PRKCB: variants seen among roughly 807,000 people sequenced by gnomAD.
PRKCB encodes protein kinase C beta type.
PRKCB carries 13 observed loss-of-function variants against 81.5 expected under a neutral mutation model. That is an observed-to-expected ratio of 0.16 (90% CI 0.10 to 0.25). The LOEUF is 0.25. Among genes scored for constraint, PRKCB ranks in the 10% least tolerant of loss-of-function variants. PRKCB has a pLI of 1.00. For synonymous variants in PRKCB, 335 were observed against 321.4 expected, an observed-to-expected ratio of 1.04 and a Z score of -0.45; for missense variants, 509 against 875.7, an observed-to-expected ratio of 0.58 and a Z score of 5.29.
chr16:24,102,754 G>A (rs1383448126), intron 7 of PRKCB, among the ~76,000 whole-genome samples: 1 of 151,984 alleles, frequency 6.6e-6, no homozygotes, highest in Non-Finnish European at 1.5e-5. Context: ...ATTAACTCTG[G>A]GATTTGTGTA....
At chr16:24,096,666 A>AAAAAAAAAAAAAAT (rs1406204037) in intron 7 of PRKCB, among the ~76,000 whole-genome samples, 21 of 32,662 alleles carry the variant, frequency 6.4e-4, no homozygotes, top group Non-Finnish European at 7.9e-4. Flanking sequence ...AAAAAAAAAA[A>AAAAAAAAAAAAAAT]ATATATATAT....
chr16:23,838,284 C>A (rs1043776394), intron 2 of PRKCB, among the ~76,000 whole-genome samples: 6 of 152,186 alleles, frequency 3.9e-5, no homozygotes, highest in African/African-American at 1.4e-4. Flanking sequence ...GAAATGGTCT[C>A]ACTTTCGCTT....
At chr16:24,109,599 C>G (rs1337094309) in intron 7 of PRKCB, among the ~76,000 whole-genome samples, 2 of 129,540 alleles carry the variant, frequency 1.5e-5, no homozygotes, top group Non-Finnish European at 3.1e-5. Context: ...GGCGGCCGGG[C>G]GGAGACGCTC....
At chr16:24,016,761 C>T (rs1567344985) in intron 3 of PRKCB, among the ~76,000 whole-genome samples, 1 of 152,198 alleles carries the variant, frequency 6.6e-6, no homozygotes, top group Non-Finnish European at 1.5e-5. Context: ...ATCTGTTTTT[C>T]TCCTGGCAGC....
intron 11 of PRKCB, among the ~76,000 whole-genome samples, chr16:24,173,103 T>C (rs1008509709): frequency 1.8e-4 from 28 of 152,096 alleles, no homozygotes; most frequent in Admixed American, 1.7e-3. Flanking sequence ...CCACTCTCCG[T>C]CTTAGATGCC....
At chr16:23,884,429 T>G (rs1193113269) in intron 2 of PRKCB, among the ~76,000 whole-genome samples, 2 of 152,272 alleles carry the variant, frequency 1.3e-5, no homozygotes, top group Non-Finnish European at 2.9e-5. Context: ...TCTGCCTCTC[T>G]TTGCAAATAT....
At chr16:23,932,475 G>T (rs1312684324) in intron 2 of PRKCB, among the ~76,000 whole-genome samples, 2 of 152,086 alleles carry the variant, frequency 1.3e-5, no homozygotes, top group African/African-American at 4.8e-5. Context: ...ACCTATGTTC[G>T]AACAATGTGA....
Position 23,836,282 on chromosome 16 carries a change from A to G in PRKCB, c.107A>G (p.Asn36Ser), listed in dbSNP as rs1335436295. The change falls in exon 1 of 17, where the codon AAC becomes AGC. Residue 36 changes from asparagine (N) to serine (S), a missense_variant. Asn to Ser is a conservative substitution (Grantham distance 46). This residue lies in a region of PRKCB where 184 missense variants were observed against 362.9 expected (regional missense o/e 0.51). Coordinates refer to ENST00000643927, the MANE Select transcript of PRKCB (RefSeq NM_002738.7). ...CAGAAGAACGTGCATGAGGTCAAGA[A>G]CCACAAATTCACCGCCCGCTTCTTC... ...LRQKNVHEVK[N>S]HKFTARFFKQ... 6.2e-7 allele frequency: 1 copy of G among 1,605,582 alleles called. No individual in the cohort carries two copies. The highest frequency in any genetic ancestry group is 8.5e-7 in the Non-Finnish European group (1 of 1,176,284).
chr16:23,934,673 T>C (rs1488636412), intron 2 of PRKCB, among the ~76,000 whole-genome samples: 1 of 152,184 alleles, frequency 6.6e-6, no homozygotes, highest in Non-Finnish European at 1.5e-5. Context: ...TTGTCAGTGT[T>C]TATACGTGCG....
At chr16:23,851,626 A>G (rs937834351) in intron 2 of PRKCB, among the ~76,000 whole-genome samples, 2 of 152,330 alleles carry the variant, frequency 1.3e-5, no homozygotes, top group African/African-American at 2.4e-5. Context: ...GAAAAATGAC[A>G]TTGGAATTTT....
At chr16:23,961,442 C>T (rs1964424637) in intron 2 of PRKCB, among the ~76,000 whole-genome samples, 1 of 152,200 alleles carries the variant, frequency 6.6e-6, no homozygotes, top group African/African-American at 2.4e-5. Flanking sequence ...GCTTGATTCT[C>T]AGGCATGTGC....
chr16:23,982,615 G>A (rs139122018), intron 2 of PRKCB, among the ~76,000 whole-genome samples: 2,302 of 151,916 alleles, frequency 0.015, 24 homozygotes, highest in Non-Finnish European at 0.022. Context: ...ATTTTTTAGA[G>A]ATGGAGTCTT....
At position 24,104,159 on chromosome 16, in the gene PRKCB, G is replaced by A. The variant is rs369109789; in HGVS notation, c.822-8814G>A. Among the ~76,000 whole-genome samples the A allele has an allele frequency of 7.6e-4, 116 of 152,286 alleles. 2 individuals are homozygous for A. In the South Asian group the frequency reaches 0.024, roughly 31 times the overall value. On this transcript the variant is annotated intron_variant, in intron 7 of 16. Coordinates refer to ENST00000643927, the MANE Select transcript of PRKCB (RefSeq NM_002738.7). Reference sequence around the variant, plus strand: ...GTCCTTTTGTTTGCTTGAGCTAAATGTGTAGTGTTTATTAAGTTTCTTCAG... The same window carrying A: ...GTCCTTTTGTTTGCTTGAGCTAAATATGTAGTGTTTATTAAGTTTCTTCAG...
chr16:24,101,356 T>A (rs1339943066), intron 7 of PRKCB, among the ~76,000 whole-genome samples: 2 of 152,162 alleles, frequency 1.3e-5, no homozygotes, highest in African/African-American at 4.8e-5. Flanking sequence ...GAGACCAGCT[T>A]GGGCAACAAT....
intron 2 of PRKCB, among the ~76,000 whole-genome samples, chr16:23,969,741 T>C (rs1267645982): frequency 1.3e-5 from 2 of 152,146 alleles, no homozygotes; most frequent in African/African-American, 2.4e-5. Flanking sequence ...AACTGACCCA[T>C]TGTCAATAGA....
At chr16:23,889,158 CCA>C (rs1567303592) in intron 2 of PRKCB, among the ~76,000 whole-genome samples, 5 of 141,012 alleles carry the variant, frequency 3.5e-5, no homozygotes, top group Non-Finnish European at 5.9e-5. Context: ...ATCCATCCAT[CCA>C]TCCATCCATC....
intron 10 of PRKCB, among the ~76,000 whole-genome samples, chr16:24,169,479 G>C (rs901882137): frequency 9.2e-5 from 14 of 152,030 alleles, no homozygotes; most frequent in Non-Finnish European, 1.5e-4. Flanking sequence ...CTCCTACCCT[G>C]TCCCCCTTCT....
intron 2 of PRKCB, among the ~76,000 whole-genome samples, chr16:23,938,530 A>T (rs969429833): frequency 6.6e-6 from 1 of 152,240 alleles, no homozygotes; most frequent in African/African-American, 2.4e-5. Flanking sequence ...TTATTTGTGA[A>T]TGAGTAGCTA....
Position 24,121,637 on chromosome 16 carries a change from G to A in PRKCB, c.919-2198G>A, listed in dbSNP as rs143898143. Reference sequence around the variant, plus strand: ...AGCAGTCCTGCCTCAGCCTTCCAAAGCTTTGTGATTACAGGCATCAGCCAC... The same window carrying A: ...AGCAGTCCTGCCTCAGCCTTCCAAAACTTTGTGATTACAGGCATCAGCCAC... On this transcript the variant is annotated intron_variant, in intron 8 of 16. Coordinates refer to ENST00000643927, the MANE Select transcript of PRKCB (RefSeq NM_002738.7). 5.8e-3 allele frequency among the ~76,000 whole-genome samples: 876 copies of A among 152,222 alleles called. 6 individuals carry two copies. Among genetic ancestry groups the A allele is most frequent in the African/African-American group, 0.019 (803 of 41,512 alleles).
Sources: allele counts gnomAD v4.1 joint callset (sites outside exome capture counted in the v4.1 genomes callset), GRCh38; gene constraint gnomAD v4.1.1; regional missense constraint gnomAD v4.1.1; transcripts MANE v1.5; gene names NCBI Gene and HGNC (gene_info 2026-07-23, HGNC 2026-07-21).